Variants in OTOGL observed in about 807,000 individuals in gnomAD.
OTOGL encodes otogelin-like protein.
Under a neutral mutation model 318.5 loss-of-function variants are expected in OTOGL, and 285 were observed. That is an observed-to-expected ratio of 0.89 (90% CI 0.81 to 0.99). The LOEUF (loss-of-function observed/expected upper bound fraction) is 0.99. Among genes scored for constraint, OTOGL ranks in the 50% least tolerant of loss-of-function variants. OTOGL has a pLI of 0.00. For missense variants in OTOGL, 2,899 were observed against 2,845.6 expected, an observed-to-expected ratio of 1.02 and a Z score of -0.43; for synonymous variants, 987 against 936.5, an observed-to-expected ratio of 1.05 and a Z score of -0.99.
Position 80,222,209 on chromosome 12 carries a change from G to A in OTOGL, c.453G>A (p.Lys151=), listed in dbSNP as rs756487360. 1.0e-5 allele frequency: 16 copies of A among 1,597,888 alleles called. No homozygotes were observed. In the Middle Eastern group the frequency reaches 8.2e-4, roughly 82 times the overall value. ...FPGNCSYIFA[K]DCGDLEPRYT... ...GAAACTGTTCTTACATTTTTGCAAA[G>A]GACTGTGGTGATTTGGAGCCTCGGT... The change falls in exon 7 of 59, where the codon AAG becomes AAA. Residue 151 remains lysine (K), a synonymous_variant. Transcript: ENST00000547103.
At chr12:80,318,512 C>T (rs931467389) in intron 32 of OTOGL, 34 bp from the exon 33 acceptor site, 5 of 1,198,314 alleles carry the variant, frequency 4.2e-6, no homozygotes, top group Non-Finnish European at 4.3e-6. Context: ...AAAATCTATG[C>T]CAATTTATAA....
At chr12:80,274,945 C>G (rs890096049) in intron 24 of OTOGL, among the ~76,000 whole-genome samples, 1 of 151,944 alleles carries the variant, frequency 6.6e-6, no homozygotes, top group African/African-American at 2.4e-5. Context: ...AAAAAAATTC[C>G]TTTTAAAATA....
Position 80,108,769 on chromosome 12 carries a change from ACG to A in OTOGL, c.-20+9165_-20+9166del, listed in dbSNP as rs1329562683. Among the ~76,000 whole-genome samples the A allele has an allele frequency of 3.8e-4, 39 of 101,508 alleles. 1 individual carries two copies. The East Asian group carries it at 9.9e-3, about 26-fold the overall frequency. 66.6% of individuals were successfully genotyped at this position (101,508 alleles called of 152,430 possible). A position where few individuals can be genotyped will look rare whatever the true frequency, so the allele number is the denominator to read the frequency against. Reference sequence around the variant, plus strand: ...TATTTAAAAAAATATATATATATACACGTATATATATATATATGTATATATAT... The same window carrying A: ...TATTTAAAAAAATATATATATATACATATATATATATATATGTATATATAT... On this transcript the variant is annotated intron_variant, in intron 1 of 58. Transcript: ENST00000547103.
rs1019102702 is a variant in OTOGL, at chr12:80,305,806, G to A, written c.3333+111G>A. 4.5e-6 allele frequency: 4 copies of A among 890,512 alleles called. No homozygotes were observed. The African/African-American group carries it at 6.9e-5, about 15-fold the overall frequency. The allele number at this position is 890,512 out of a possible 1,614,324, so 55.2% of individuals were successfully genotyped here. A position where few individuals can be genotyped will look rare whatever the true frequency, so the allele number is the denominator to read the frequency against. On this transcript the variant is annotated intron_variant, in intron 29 of 58. Transcript: ENST00000547103. ...TATTATTTTACATACTATTTTCATAGTAATTTATAGCTGATAAACATTCAT... is the reference window on the plus strand; with the variant it reads ...TATTATTTTACATACTATTTTCATAATAATTTATAGCTGATAAACATTCAT...
At chr12:80,215,924 A>T (rs1877673199) in intron 4 of OTOGL, among the ~76,000 whole-genome samples, 1 of 152,196 alleles carries the variant, frequency 6.6e-6, no homozygotes, top group African/African-American at 2.4e-5. Context: ...TGAGGATAAG[A>T]CCTGGGAGTA....
At chr12:80,174,053 A>G (rs1288172808) in intron 1 of OTOGL, among the ~76,000 whole-genome samples, 1 of 152,226 alleles carries the variant, frequency 6.6e-6, no homozygotes, top group Non-Finnish European at 1.5e-5. Context: ...AGTAAAGCAA[A>G]ATAAGCAAAA....
In OTOGL at chr12:80,336,443, T is replaced by TTA. The variant is rs781402096; in HGVS notation, c.4633_4634dup (p.Thr1546LeufsTer18). 6.2e-7 allele frequency: 1 copy of TTA among 1,609,378 alleles called. No individual in the cohort carries two copies. The highest frequency in any genetic ancestry group is 8.5e-7 in the Non-Finnish European group (1 of 1,177,606). Reference sequence around the variant, plus strand: ...TGTTCCATGTTGTCAGAACTGAGCATTATTACATTTGATGGAAACAACGCA... The same window carrying TTA: ...TGTTCCATGTTGTCAGAACTGAGCATTATATTACATTTGATGGAAACAACGCA... On this transcript the variant is annotated frameshift_variant, in exon 40 of 59. Coordinates refer to ENST00000547103, the MANE Select transcript of OTOGL (RefSeq NM_001378609.3). LOFTEE classifies it high-confidence loss of function.
intron 35 of OTOGL, among the ~76,000 whole-genome samples, chr12:80,328,039 A>G (rs1249118666): frequency 6.7e-6 from 1 of 149,394 alleles, no homozygotes; most frequent in Non-Finnish European, 1.5e-5. Flanking sequence ...TAAATTGGCC[A>G]GGTGCCAGGG....
chr12:80,289,738 C>T (rs1177859862), intron 26 of OTOGL, among the ~76,000 whole-genome samples: 1 of 152,146 alleles, frequency 6.6e-6, no homozygotes, highest in Non-Finnish European at 1.5e-5. Flanking sequence ...TGGCGGACGC[C>T]CCTCCCCCAA....
At chr12:80,138,258 A>T (rs1302660391) in intron 1 of OTOGL, among the ~76,000 whole-genome samples, 1 of 152,104 alleles carries the variant, frequency 6.6e-6, no homozygotes, top group Non-Finnish European at 1.5e-5. Flanking sequence ...TATACTTGGT[A>T]AAAAGTTCCA....
At chr12:80,278,772 C>T (rs1013687367) in intron 25 of OTOGL, among the ~76,000 whole-genome samples, 1 of 151,524 alleles carries the variant, frequency 6.6e-6, no homozygotes. Context: ...GTTTTTCATT[C>T]TATCATCTAC....
intron 1 of OTOGL, among the ~76,000 whole-genome samples, chr12:80,139,211 T>C (rs945649557): frequency 3.3e-5 from 5 of 152,146 alleles, no homozygotes; most frequent in Non-Finnish European, 5.9e-5. Context: ...AAGCAGCTGC[T>C]TTGGAAGTGC....
At chr12:80,274,034 G>A (rs1456979429) in intron 24 of OTOGL, among the ~76,000 whole-genome samples, 2 of 151,908 alleles carry the variant, frequency 1.3e-5, no homozygotes, top group African/African-American at 4.8e-5. Flanking sequence ...GCTCTTCTCA[G>A]GTCTCTCTAT....
intron 44 of OTOGL, among the ~76,000 whole-genome samples, chr12:80,349,381 AAAG>A (rs1439625183): frequency 6.6e-6 from 1 of 152,214 alleles, no homozygotes; most frequent in Non-Finnish European, 1.5e-5. Flanking sequence ...AAACCAAGAC[AAAG>A]AAGGTTTAAA....
intron 11 of OTOGL, among the ~76,000 whole-genome samples, chr12:80,246,343 A>T (rs1880884347): frequency 6.9e-6 from 1 of 144,624 alleles, no homozygotes; most frequent in Admixed American, 6.8e-5. Flanking sequence ...TCCCATCAAT[A>T]CCTAATTTAT....
chr12:80,331,737 G>T (rs968416816), intron 37 of OTOGL, among the ~76,000 whole-genome samples: 2 of 152,122 alleles, frequency 1.3e-5, no homozygotes, highest in Non-Finnish European at 2.9e-5. Context: ...ATGAATATAT[G>T]ACCTTATATG....
chr12:80,310,571 C>A lies in OTOGL; in HGVS notation c.3334-40C>A, dbSNP rs912980870. On this transcript the variant is annotated intron_variant, in intron 29 of 58. Coordinates refer to ENST00000547103, the MANE Select transcript of OTOGL (RefSeq NM_001378609.3). Reference sequence around the variant, plus strand: ...AGGTTACTCTGTTTGAGAAATTGTCCCTTTGAAAACTTCTTTTCTCTCTTA... The same window carrying A: ...AGGTTACTCTGTTTGAGAAATTGTCACTTTGAAAACTTCTTTTCTCTCTTA... 5 of 1,389,066 alleles carry A rather than the reference C, an allele frequency of 3.6e-6. No homozygotes were observed. In the African/African-American group the frequency reaches 5.7e-5, roughly 16 times the overall value. 86.0% of individuals were successfully genotyped at this position (1,389,066 alleles called of 1,614,324 possible). A position where few individuals can be genotyped will look rare whatever the true frequency, so the allele number is the denominator to read the frequency against.
rs1592460050 is a variant in OTOGL at position 80,375,012 on chromosome 12, C to T, written c.6782-2111C>T. On this transcript the variant is annotated intron_variant, in intron 57 of 58. Coordinates refer to ENST00000547103, the MANE Select transcript of OTOGL (RefSeq NM_001378609.3). ...TTTAGGCCTGTCCAGTATCTGGGCC[C>T]AGGATCTTTCAACTCTGCTAAGTTC... 2.0e-5 allele frequency among the ~76,000 whole-genome samples: 3 copies of T among 152,120 alleles called. No individual in the cohort carries two copies. The South Asian group carries it at 6.2e-4, about 32-fold the overall frequency.
chr12:80,280,293 AG>A (rs1342033795), intron 26 of OTOGL, among the ~76,000 whole-genome samples: 1 of 151,900 alleles, frequency 6.6e-6, no homozygotes, highest in Non-Finnish European at 1.5e-5. Context: ...GAAGCTCTTT[AG>A]TTTAATTAGG....
Sources: allele counts gnomAD v4.1 joint callset (sites outside exome capture counted in the v4.1 genomes callset), GRCh38; gene constraint gnomAD v4.1.1; transcripts MANE v1.5; gene names NCBI Gene and HGNC (gene_info 2026-07-23, HGNC 2026-07-21).